STK32B: variants seen among roughly 807,000 people sequenced by gnomAD.
STK32B encodes the protein serine/threonine kinase 32B.
STK32B carries 43 observed loss-of-function variants against 52.6 expected under a neutral mutation model. The ratio of observed to expected loss-of-function variants is 0.82; its 90% CI spans 0.64 to 1.05. STK32B has a LOEUF of 1.05. STK32B is among the 50% of genes least tolerant of loss of function. The pLI, the probability that STK32B is intolerant of heterozygous loss-of-function variation, is 0.00. For synonymous variants in STK32B, 238 were observed against 204.3 expected, an observed-to-expected ratio of 1.17 and a Z score of -1.41; for missense variants, 621 against 534.6, an observed-to-expected ratio of 1.16 and a Z score of -1.59.
chr4:5,178,978 C>G (rs185049030), intron 3 of STK32B, among the ~76,000 whole-genome samples: 1 of 152,200 alleles, frequency 6.6e-6, no homozygotes, highest in Non-Finnish European at 1.5e-5. Flanking sequence ...TATAGCGGTG[C>G]CTTACTGCCT....
At chr4:5,341,901 T>G (rs1054195674) in intron 4 of STK32B, among the ~76,000 whole-genome samples, 1 of 152,054 alleles carries the variant, frequency 6.6e-6, no homozygotes, top group Non-Finnish European at 1.5e-5. Flanking sequence ...AACCTTCAGG[T>G]TTGTTATATA....
At chr4:5,429,395 CCTTA>C (rs1457145597) in intron 6 of STK32B, among the ~76,000 whole-genome samples, 3 of 151,790 alleles carry the variant, frequency 2.0e-5, no homozygotes, top group African/African-American at 4.8e-5. Flanking sequence ...ATTAGTTGAT[CCTTA>C]CTTATGATTC....
chr4:5,152,660 C>G (rs1207095591), intron 2 of STK32B, among the ~76,000 whole-genome samples: 1 of 152,254 alleles, frequency 6.6e-6, no homozygotes, highest in Non-Finnish European at 1.5e-5. Flanking sequence ...ACGCAGTTCT[C>G]ATTCGGTGAC....
chr4:5,307,610 A>T (rs1252916750), intron 3 of STK32B, among the ~76,000 whole-genome samples: 1 of 149,848 alleles, frequency 6.7e-6, no homozygotes, highest in Admixed American at 6.7e-5. Context: ...TTACTTAATA[A>T]TTGATCTGCT....
chr4:5,263,120 C>T (rs961420746), intron 3 of STK32B, among the ~76,000 whole-genome samples: 1 of 152,042 alleles, frequency 6.6e-6, no homozygotes, highest in Non-Finnish European at 1.5e-5. Flanking sequence ...AAGACAGCAC[C>T]CAACACCGGG....
intron 3 of STK32B, among the ~76,000 whole-genome samples, chr4:5,279,918 C>G (rs1424231134): frequency 6.6e-6 from 1 of 152,206 alleles, no homozygotes; most frequent in Non-Finnish European, 1.5e-5. Context: ...CACAAAGCAG[C>G]AAGGCCCTGG....
chr4:5,341,173 C>T (rs532976137), intron 4 of STK32B, among the ~76,000 whole-genome samples: 8 of 152,190 alleles, frequency 5.3e-5, no homozygotes, highest in Non-Finnish European at 1.2e-4. Flanking sequence ...CTCACATCCG[C>T]CCCAGAGGAA....
At chr4:5,100,018 T>C (rs1713638409) in intron 1 of STK32B, among the ~76,000 whole-genome samples, 1 of 150,254 alleles carries the variant, frequency 6.7e-6, no homozygotes, top group East Asian at 1.9e-4. Context: ...AAAAAAACAC[T>C]GAATAGGTCA....
rs553293348 is a variant in STK32B, at chr4:5,496,201, C to A, written c.1107-2744C>A. ...CAGAGGTGGAGCCTACAGAGGCAGG[C>A]AAGCCTCCTTGAGCTGTGGTGGGCT... On this transcript the variant is annotated intron_variant, in intron 11 of 11. Coordinates refer to ENST00000282908, the MANE Select transcript of STK32B (RefSeq NM_018401.3). Among the ~76,000 whole-genome samples the A allele has an allele frequency of 7.3e-4, 111 of 152,354 alleles. 1 individual carries two copies. The highest frequency in any genetic ancestry group is 3.4e-3 in the Middle Eastern group (1 of 292).
intron 1 of STK32B, among the ~76,000 whole-genome samples, chr4:5,054,900 T>G (rs1005927273): frequency 1.3e-5 from 2 of 152,220 alleles, no homozygotes; most frequent in Non-Finnish European, 2.9e-5. Context: ...GTCATAGCTG[T>G]TCACGCTCAC....
intron 3 of STK32B, among the ~76,000 whole-genome samples, chr4:5,317,296 A>T (rs1317402447): frequency 2.0e-5 from 1 of 49,562 alleles, no homozygotes; most frequent in Non-Finnish European, 3.0e-5. Context: ...CATATATATA[A>T]TATATAATAT....
chr4:5,062,897 T>C lies in STK32B; in HGVS notation c.52+10982T>C, dbSNP rs1742270754. Among the ~76,000 whole-genome samples the C allele has an allele frequency of 2.6e-5, 4 of 152,360 alleles. No homozygotes were observed. In the South Asian group the frequency reaches 8.3e-4, roughly 32 times the overall value. On this transcript the variant is annotated intron_variant, in intron 1 of 11. Coordinates refer to ENST00000282908, the MANE Select transcript of STK32B (RefSeq NM_018401.3). The stretch of plus-strand genomic sequence containing the variant: ...GTGTTTTCACTCAAGATTACACTTC[T>C]AGAATTCATCCTTGCTGCTGTGAGT...
chr4:5,376,497 C>T (rs147505166), intron 4 of STK32B, among the ~76,000 whole-genome samples: 23 of 152,158 alleles, frequency 1.5e-4, no homozygotes, highest in South Asian at 2.1e-4. Flanking sequence ...GGAGAGGATC[C>T]GCTCAGAGCA....
chr4:5,186,965 C>T (rs1039439363), intron 3 of STK32B, among the ~76,000 whole-genome samples: 4 of 152,212 alleles, frequency 2.6e-5, no homozygotes, highest in Admixed American at 6.5e-5. Flanking sequence ...GCCCGCACTC[C>T]GACACTCAGG....
At chr4:5,305,177 T>TATTAGGGTGATACTGGCTTC (rs1729844225) in intron 3 of STK32B, among the ~76,000 whole-genome samples, 1 of 152,128 alleles carries the variant, frequency 6.6e-6, no homozygotes, top group Admixed American at 6.5e-5. Flanking sequence ...TTTCTGGTTT[T>TATTAGGGTGATACTGGCTTC]GGTATTAGGG....
intron 1 of STK32B, among the ~76,000 whole-genome samples, chr4:5,077,029 A>G (rs974826597): frequency 1.3e-5 from 2 of 152,156 alleles, no homozygotes; most frequent in Non-Finnish European, 2.9e-5. Flanking sequence ...CTCTGGACAG[A>G]CGATGCTTTT....
chr4:5,399,251 T>C lies in STK32B; in HGVS notation c.472+1007T>C, dbSNP rs2109047102. ...CTTCTGAAGTAGGGATTCTCATCCC[T>C]GCTGAGGCCTTCAGGGATGAATGAG... is the stretch of plus-strand genomic sequence containing the variant. On this transcript the variant is annotated intron_variant, in intron 5 of 11. Coordinates refer to ENST00000282908, the MANE Select transcript of STK32B (RefSeq NM_018401.3). The surrounding 1 kb of genome is among the most constrained non-coding windows in gnomAD (Gnocchi z 5.4). Among the ~76,000 whole-genome samples the C allele has an allele frequency of 6.6e-6, 1 of 151,658 alleles. No homozygotes were observed. The highest frequency in any genetic ancestry group is 2.1e-4 in the South Asian group (1 of 4,806).
chr4:5,444,192 C>G (rs34339160), intron 6 of STK32B, among the ~76,000 whole-genome samples: 21,250 of 152,174 alleles, frequency 0.14, 1,681 homozygotes, highest in East Asian at 0.28. Context: ...GGGCGCCCCT[C>G]CCCCAGCCTC....
Position 5,247,450 on chromosome 4 carries a change from G to A in STK32B, c.260+79000G>A, listed in dbSNP as rs186263464. On this transcript the variant is annotated intron_variant, in intron 3 of 11. Transcript: ENST00000282908. The stretch of plus-strand genomic sequence containing the variant: ...CGCAGTGTTAGGGTGGGAGTGACCC[G>A]ATTTTCCAGGTGCCGTCTGTCATCC... Among the ~76,000 whole-genome samples the A allele has an allele frequency of 3.3e-5, 5 of 152,184 alleles. 1 individual carries two copies. The South Asian group carries it at 8.3e-4, about 25-fold the overall frequency.
Sources: allele counts gnomAD v4.1 joint callset (sites outside exome capture counted in the v4.1 genomes callset), GRCh38; gene constraint gnomAD v4.1.1; non-coding constraint Gnocchi (gnomAD v3.1); transcripts MANE v1.5; gene names NCBI Gene and HGNC (gene_info 2026-07-23, HGNC 2026-07-21).